The following COQ8B variants were observed in gnomAD, a reference collection of about 807,000 sequenced individuals.
The protein encoded by COQ8B is atypical kinase COQ8B, mitochondrial.
COQ8B carries 44 observed loss-of-function variants against 62.0 expected under a neutral mutation model. That is an observed-to-expected ratio of 0.71 (90% confidence interval 0.56 to 0.91). COQ8B has a LOEUF of 0.91. COQ8B is among the 40% of genes least tolerant of loss of function. The probability of loss-of-function intolerance (pLI) is 0.00; values close to 1 mark genes in which losing one functional copy is unlikely to be tolerated. For missense variants in COQ8B, 649 were observed against 731.6 expected (o/e 0.89, Z 1.30); for synonymous variants, 252 against 289.9 (o/e 0.87, Z 1.33).
intron 5 of COQ8B, among the ~76,000 whole-genome samples, chr19:40,708,868 T>G (rs954374113): frequency 3.3e-5 from 5 of 151,478 alleles, no homozygotes; most frequent in African/African-American, 1.2e-4. Flanking sequence ...AAGTCAAGGC[T>G]GCAGTGAGCC....
rs780726909 is a variant in COQ8B at position 40,692,294 on chromosome 19, G to C, written c.1376C>G (p.Ser459Trp). ...CTGTATGCGGCGGGCCGTTTCCCCC[G>C]ACCCAAAGTCATAAGGGCCCTGGGT... ...FATQGPYDFGSGETARRIQDL... is the reference protein window; with the variant it reads ...FATQGPYDFGWGETARRIQDL... Residue 459 changes from serine to tryptophan, a missense_variant, in exon 15 of 15, where the codon TCG (serine) becomes TGG (tryptophan). Physicochemically the swap from Ser to Trp is radical, Grantham distance 177. Coordinates refer to ENST00000324464, the MANE Select transcript of COQ8B (RefSeq NM_024876.4). 6.2e-7 allele frequency: 1 copy of C among 1,613,646 alleles called. No individual in the cohort carries two copies. Among genetic ancestry groups the C allele is most frequent in the Admixed American group, 1.7e-5 (1 of 59,998 alleles).
intron 5 of COQ8B, among the ~76,000 whole-genome samples, chr19:40,705,780 T>A (rs949048086): frequency 5.3e-5 from 8 of 151,792 alleles, no homozygotes; most frequent in Non-Finnish European, 1.2e-4. Flanking sequence ...TGTCTCTAAT[T>A]AGCTGGGTGT....
intron 7 of COQ8B, among the ~76,000 whole-genome samples, 154 bp from the exon 8 acceptor site, chr19:40,704,009 C>G (rs767739024): frequency 5.9e-5 from 9 of 152,304 alleles, no homozygotes; most frequent in East Asian, 1.9e-4. Flanking sequence ...AACTGAGGCT[C>G]AGAGAGAGCT....
In COQ8B at chr19:40,696,065, G is replaced by C; in HGVS notation, c.1144-11C>G. On this transcript the variant is annotated splice_polypyrimidine_tract_variant and intron_variant, in intron 12 of 14. Transcript: ENST00000324464. ...GTCCAGCAGGGTCACCTGGAAGCAA[G>C]GAATGGTGAAAGGAATGCTGGGATC... The C allele has an allele frequency of 1.2e-6, 2 of 1,613,794 alleles. No homozygotes were observed. The highest frequency in any genetic ancestry group is 1.7e-6 in the Non-Finnish European group (2 of 1,179,812).
intron 1 of COQ8B, among the ~76,000 whole-genome samples, chr19:40,716,246 A>G (rs1319947467): frequency 6.6e-6 from 1 of 151,482 alleles, no homozygotes; most frequent in Non-Finnish European, 1.5e-5. Context: ...AAGACAAACC[A>G]CCTCCTCTCC....
chr19:40,701,613 C>A (rs1441900278), intron 10 of COQ8B, among the ~76,000 whole-genome samples: 1 of 152,130 alleles, frequency 6.6e-6, no homozygotes, highest in Admixed American at 6.5e-5. Flanking sequence ...TGAACCGGAG[C>A]CATGTGGGGC....
chr19:40,697,822 T>TTATATATATATATATATATA (rs66501221), intron 12 of COQ8B, among the ~76,000 whole-genome samples: 1 of 79,124 alleles, frequency 1.3e-5, no homozygotes, highest in African/African-American at 6.0e-5. Flanking sequence ...ATAAATAAAA[T>TTATATATATATATATATATA]TATATATATA....
In COQ8B at chr19:40,703,641, G is replaced by A. The variant is rs369752386; in HGVS notation, c.718-19C>T. 1.9e-6 allele frequency: 3 copies of A among 1,613,360 alleles called. No individual in the cohort carries two copies. Among genetic ancestry groups the A allele is most frequent in the South Asian group, 2.2e-5 (2 of 90,992 alleles). On this transcript the variant is annotated intron_variant, in intron 8 of 14. Transcript: ENST00000324464. Reference sequence around the variant, plus strand: ...CGGGGTACTGTAAAGGGAGAAGGGAGGGAGAGAAGGTGGGAGTCACTTCTC... The same window carrying A: ...CGGGGTACTGTAAAGGGAGAAGGGAAGGAGAGAAGGTGGGAGTCACTTCTC...
Position 40,702,702 on chromosome 19 carries a change from G to T in COQ8B, c.800-9C>A. On this transcript the variant is annotated splice_polypyrimidine_tract_variant and intron_variant, in intron 9 of 14. Transcript: ENST00000324464. ...CTGCTCGGCAAACAGGCCTGTGGGGGAGGTGTGTCAGCCAGGGAAGGGCCC... is the reference window on the plus strand; with the variant it reads ...CTGCTCGGCAAACAGGCCTGTGGGGTAGGTGTGTCAGCCAGGGAAGGGCCC... The T allele has an allele frequency of 6.2e-7, 1 of 1,606,008 alleles. No individual in the cohort carries two copies. Among genetic ancestry groups the T allele is most frequent in the Non-Finnish European group, 8.5e-7 (1 of 1,179,834 alleles).
intron 12 of COQ8B, among the ~76,000 whole-genome samples, chr19:40,697,841 TATATATATATAG>T (rs1482075979): frequency 2.1e-5 from 1 of 46,928 alleles, no homozygotes; most frequent in Non-Finnish European, 4.3e-5. Context: ...TATATATATA[TATATATATATAG>T]AGAGAGAGAG....
chr19:40,714,736 A>G, intron 1 of COQ8B, 101 bp from the exon 2 acceptor site: 1 of 1,321,024 alleles, frequency 7.6e-7, no homozygotes, highest in Non-Finnish European at 1.0e-6. Context: ...CCCACCCACT[A>G]AATACTTCCT....
At chr19:40,706,748 C>G (rs1339960479) in intron 5 of COQ8B, among the ~76,000 whole-genome samples, 2 of 152,232 alleles carry the variant, frequency 1.3e-5, no homozygotes, top group Non-Finnish European at 2.9e-5. Context: ...GCGTAAGCCA[C>G]CGCACCTGGC....
At chr19:40,713,044 T>A (rs1033342481) in intron 4 of COQ8B, among the ~76,000 whole-genome samples, 2 of 152,114 alleles carry the variant, frequency 1.3e-5, no homozygotes, top group Non-Finnish European at 2.9e-5. Flanking sequence ...TACAAAAAAA[T>A]ATTTTTTAAA....
chr19:40,703,973 G>A, intron 7 of COQ8B, 118 bp from the exon 8 acceptor site: 1 of 1,312,022 alleles, frequency 7.6e-7, no homozygotes, highest in Non-Finnish European at 1.0e-6. Flanking sequence ...TAAGCTCTTG[G>A]CTGCCACCCC....
At position 40,692,310 on chromosome 19, in the gene COQ8B, G is replaced by A. The variant is rs571966043; in HGVS notation, c.1360C>T (p.Pro454Ser). 1.7e-5 allele frequency: 28 copies of A among 1,613,754 alleles called. No individual in the cohort carries two copies. The South Asian group carries it at 3.0e-4, about 17-fold the overall frequency. ...ILGEPFATQG[P>S]YDFGSGETAR... ...GTTTCCCCCGACCCAAAGTCATAAGGGCCCTGGGTGGCGAAAGGCTCCCCC... is the reference window on the plus strand; with the variant it reads ...GTTTCCCCCGACCCAAAGTCATAAGAGCCCTGGGTGGCGAAAGGCTCCCCC... Residue 454 changes from proline to serine, a missense_variant, in exon 15 of 15, where the codon CCT (proline) becomes TCT (serine). Coordinates refer to ENST00000324464, the MANE Select transcript of COQ8B (RefSeq NM_024876.4).
At chr19:40,705,062 C>T (rs147251838) in intron 7 of COQ8B, 34 bp downstream of exon 7, 1 of 1,561,084 alleles carries the variant, frequency 6.4e-7, no homozygotes, top group Non-Finnish European at 8.7e-7. Flanking sequence ...ATGGAGCCTG[C>T]CTCCCTCACC....
At chr19:40,702,781 C>T (rs1015091680) in intron 9 of COQ8B, 88 bp from the exon 10 acceptor site, 42 of 1,240,968 alleles carry the variant, frequency 3.4e-5, no homozygotes, top group Non-Finnish European at 1.9e-5. Flanking sequence ...TCCTGTCTCC[C>T]GCGCTGTCCC....
chr19:40,713,983 G>T, intron 4 of COQ8B, 84 bp downstream of exon 4: 2 of 1,435,488 alleles, frequency 1.4e-6, no homozygotes, highest in Non-Finnish European at 2.0e-6. Context: ...TCCTGTCTCT[G>T]ATTCATCCTC....
intron 4 of COQ8B, 132 bp downstream of exon 4, chr19:40,713,935 C>T: frequency 1.0e-6 from 1 of 952,540 alleles, no homozygotes; most frequent in East Asian, 2.5e-5. Flanking sequence ...GCCTTGCAGG[C>T]CCTTGCCTTT....
Sources: gnomAD v4.1 joint callset for allele counts (sites outside exome capture counted in the v4.1 genomes callset) on GRCh38, gnomAD v4.1.1 for gene constraint, MANE v1.5 for transcripts, NCBI Gene and HGNC (gene_info 2026-07-23, HGNC 2026-07-21) for gene names.